S100A13: variants seen among roughly 807,000 people sequenced by gnomAD.
S100A13 encodes protein S100-A13.
In S100A13, 6 loss-of-function variants were observed where a neutral mutation model predicts 8.2. The observed-to-expected ratio is 0.73, with a 90% CI of 0.40 to 1.44. The LOEUF (loss-of-function observed/expected upper bound fraction) is 1.44. Among genes scored for constraint, S100A13 ranks in the 40% most tolerant of loss-of-function variants. S100A13 has a pLI of 0.02. For synonymous variants in S100A13, 39 were observed against 45.9 expected (o/e 0.85, Z 0.61); for missense variants, 114 against 113.6 (o/e 1.00, Z -0.02).
At chr1:153,623,387 T>A (rs1037833835) in intron 2 of S100A13, among the ~76,000 whole-genome samples, 1 of 141,300 alleles carries the variant, frequency 7.1e-6, no homozygotes, top group Admixed American at 7.1e-5. Flanking sequence ...TTTCGTTTCC[T>A]TTTTTTTTTT....
At chr1:153,631,924 A>G, upstream of S100A13, 1 of 1,534,274 alleles carries the variant, frequency 6.5e-7, no homozygotes, top group East Asian at 2.3e-5. Flanking sequence ...CACCCCACTT[A>G]TCCCTCTCCA....
At chr1:153,634,067 T>G (rs1188524085), upstream of S100A13, 1 of 152,780 alleles carries the variant, frequency 6.5e-6, no homozygotes. Flanking sequence ...GCACTGGACG[T>G]GGCGGCCATT....
chr1:153,626,234 C>T (rs1667610298), intron 2 of S100A13, 86 bp downstream of exon 2: 1 of 1,252,918 alleles, frequency 8.0e-7, no homozygotes, highest in East Asian at 2.3e-5. Flanking sequence ...TTGTGGTCAC[C>T]TCACCGTACT....
chr1:153,630,590 G>A (rs778905128), upstream of S100A13: 11 of 1,614,148 alleles, frequency 6.8e-6, no homozygotes, highest in Middle Eastern at 1.6e-4. Context: ...CGGGCAAAGA[G>A]GGGGACAAGT....
rs530505141 is a variant in S100A13, at chr1:153,626,468, G to A, written c.5C>T (p.Ala2Val). ...CTCTAGCTCTGTCAGTGGTTCTGCT[G>A]CCATTAGGACCCTGAGGCCAAAGCT... M[A>V]AEPLTELEES... Residue 2 changes from alanine (A) to valine (V), a missense_variant, in exon 2 of 3, where the codon GCA (alanine) becomes GTA (valine). By Grantham distance (64) the Ala-to-Val change is moderately conservative. Coordinates refer to ENST00000476133, the MANE Select transcript of S100A13 (RefSeq NM_001024211.2). 3.7e-6 allele frequency: 6 copies of A among 1,614,152 alleles called. No homozygotes were observed. The South Asian group carries it at 5.5e-5, about 15-fold the overall frequency.
Position 153,626,484 on chromosome 1 carries a change from G to A in S100A13, c.-12C>T. 3 of 1,613,814 alleles carry A rather than the reference G, an allele frequency of 1.9e-6. No individual in the cohort carries two copies. Among genetic ancestry groups the A allele is most frequent in the South Asian group, 2.2e-5 (2 of 91,062 alleles). ...GGTTCTGCTGCCATTAGGACCCTGA[G>A]GCCAAAGCTGATGTCCTCAAGGGGC... On this transcript the variant is annotated 5_prime_UTR_variant, in exon 2 of 3. Coordinates refer to ENST00000476133, the MANE Select transcript of S100A13 (RefSeq NM_001024211.2).
At chr1:153,619,985 G>C (rs1667131276) in intron 2 of S100A13, among the ~76,000 whole-genome samples, 1 of 152,120 alleles carries the variant, frequency 6.6e-6, no homozygotes, top group Non-Finnish European at 1.5e-5. Flanking sequence ...AAATAAATAA[G>C]TATTAAGAAA....
upstream of S100A13, among the ~76,000 whole-genome samples, chr1:153,632,851 T>C (rs370497543): frequency 6.6e-6 from 1 of 152,238 alleles, no homozygotes; most frequent in East Asian, 1.9e-4. Context: ...ATGTACACTG[T>C]ATTGTGCACA....
intron 2 of S100A13, among the ~76,000 whole-genome samples, chr1:153,623,670 T>C (rs1413922951): frequency 1.3e-5 from 2 of 152,188 alleles, no homozygotes; most frequent in African/African-American, 4.8e-5. Context: ...TGGAAAGATG[T>C]ACTGAGCTTT....
At chr1:153,628,805 G>A (rs1667832646), upstream of S100A13, 5 of 391,592 alleles carry the variant, frequency 1.3e-5, no homozygotes, top group Non-Finnish European at 2.3e-5. Flanking sequence ...CCCTGCCAAG[G>A]CCCCCTCTGT....
upstream of S100A13, chr1:153,628,009 C>T: frequency 6.5e-7 from 1 of 1,547,484 alleles, no homozygotes. Context: ...GATTGAAATC[C>T]CTCTGTGGGT....
intron 2 of S100A13, among the ~76,000 whole-genome samples, chr1:153,621,300 GCACCCACCAC>G (rs1667230488): frequency 6.6e-6 from 1 of 151,642 alleles, no homozygotes; most frequent in South Asian, 2.1e-4. Context: ...GGGATTATAG[GCACCCACCAC>G]CACGCCTTGC....
At chr1:153,626,641 G>A (rs1667656065) in intron 1 of S100A13, 108 bp from the exon 2 acceptor site, 5 of 591,072 alleles carry the variant, frequency 8.5e-6, no homozygotes, top group Middle Eastern at 4.6e-4. Flanking sequence ...CAGCCTGGAG[G>A]GGGCATATGG....
intron 1 of S100A13, 24 bp from the exon 2 acceptor site, chr1:153,626,557 G>A: frequency 1.4e-6 from 2 of 1,430,502 alleles, no homozygotes; most frequent in Non-Finnish European, 1.9e-6. Context: ...AAGGAGCAGA[G>A]AGGGAGAGTC....
chr1:153,623,932 C>G (rs996814543), intron 2 of S100A13, among the ~76,000 whole-genome samples: 1 of 152,128 alleles, frequency 6.6e-6, no homozygotes, highest in East Asian at 1.9e-4. Context: ...GGGTTGAGAA[C>G]AGAGAGAGAC....
chr1:153,632,001 C>A, upstream of S100A13: 1 of 719,206 alleles, frequency 1.4e-6, no homozygotes. Flanking sequence ...TCCAAGCCTG[C>A]AACTCATCTT....
At chr1:153,627,931 G>C, upstream of S100A13, 1 of 1,187,384 alleles carries the variant, frequency 8.4e-7, no homozygotes, top group Non-Finnish European at 1.2e-6. Flanking sequence ...AGATCCCTCA[G>C]AGAACCCCAG....
upstream of S100A13, chr1:153,627,919 C>A: frequency 1.9e-6 from 2 of 1,048,694 alleles, no homozygotes; most frequent in Non-Finnish European, 2.7e-6. Context: ...TGCTACAGAC[C>A]AAGATCCCTC....
chr1:153,633,468 G>T (rs1246831955), upstream of S100A13, among the ~76,000 whole-genome samples: 1 of 108,798 alleles, frequency 9.2e-6, no homozygotes. Flanking sequence ...GGACGCAAAG[G>T]TGCCCCACCC....
Sources: allele counts gnomAD v4.1 joint callset (sites outside exome capture counted in the v4.1 genomes callset), GRCh38; gene constraint gnomAD v4.1.1; transcripts MANE v1.5; gene names NCBI Gene and HGNC (gene_info 2026-07-23, HGNC 2026-07-21).